The following PIEZO2 variants were observed in gnomAD, a reference collection of about 807,000 sequenced individuals.
PIEZO2 encodes piezo-type mechanosensitive ion channel component 2.
PIEZO2 carries 172 observed loss-of-function variants against 337.3 expected under a neutral mutation model. That is an observed-to-expected ratio of 0.51 (90% CI 0.45 to 0.58). The LOEUF is 0.58. Ranked by LOEUF, PIEZO2 falls within the 20% of genes least tolerant of loss-of-function variation. The pLI is 0.00. For missense variants in PIEZO2, 3,028 were observed against 3,391.3 expected (o/e 0.89, Z 2.66); for synonymous variants, 1,251 against 1,228.5 (o/e 1.02, Z -0.38).
At chr18:10,805,395 A>T (rs553237810) in intron 8 of PIEZO2, among the ~76,000 whole-genome samples, 17 of 152,262 alleles carry the variant, frequency 1.1e-4, no homozygotes, top group Non-Finnish European at 2.1e-4. Flanking sequence ...GGGCACCTGT[A>T]ATCCCAGCTA....
Position 10,871,396 on chromosome 18 carries a change from C to G in PIEZO2, c.349G>C (p.Gly117Arg). The part of the protein sequence containing the change: ...GFESLKGADA[G>R]NGIRVFVPDI... ...GGTACAAACACTCTGATCCCATTGC[C>G]AGCATCAGCTCCCTTTAAGCTATAA... is the stretch of plus-strand genomic sequence containing the variant. Residue 117 changes from glycine to arginine, a missense_variant, in exon 5 of 56, where the codon GGC becomes CGC. Gly to Arg is a moderately radical substitution (Grantham distance 125, BLOSUM62 -2). This residue lies in a region of PIEZO2 where 542 missense variants were observed against 605.6 expected (regional missense o/e 0.89). Transcript: ENST00000674853. 1 of 1,537,018 alleles carries G rather than the reference C, an allele frequency of 6.5e-7. No individual in the cohort carries two copies. The highest frequency in any genetic ancestry group is 8.7e-7 in the Non-Finnish European group (1 of 1,146,756).
intron 28 of PIEZO2, among the ~76,000 whole-genome samples, chr18:10,751,670 G>A (rs2037650914): frequency 6.6e-6 from 1 of 152,198 alleles, no homozygotes; most frequent in Non-Finnish European, 1.5e-5. Context: ...TAAGTAGCTA[G>A]GAAGGAAGAA....
chr18:10,680,999 G>T (rs1171597593), intron 51 of PIEZO2, among the ~76,000 whole-genome samples: 3 of 152,080 alleles, frequency 2.0e-5, no homozygotes, highest in Non-Finnish European at 4.4e-5. Flanking sequence ...TTTAGGGGAT[G>T]TATTTCTTAT....
intron 3 of PIEZO2, among the ~76,000 whole-genome samples, chr18:10,935,586 A>G (rs2032348235): frequency 6.6e-6 from 1 of 152,172 alleles, no homozygotes; most frequent in Non-Finnish European, 1.5e-5. Context: ...AGAACCTAAG[A>G]TTTTATGAAA....
intron 1 of PIEZO2, among the ~76,000 whole-genome samples, chr18:11,068,945 T>A (rs1047734581): frequency 1.3e-5 from 2 of 152,028 alleles, no homozygotes; most frequent in Non-Finnish European, 2.9e-5. Flanking sequence ...TTCCTAGCAA[T>A]ATACAACCTA....
At chr18:10,696,350 C>T in intron 46 of PIEZO2, 42 bp downstream of exon 46, 2 of 1,613,884 alleles carry the variant, frequency 1.2e-6, no homozygotes, top group South Asian at 1.1e-5. Flanking sequence ...AGCGCCATCG[C>T]CATGGGTCAG....
intron 50 of PIEZO2, 72 bp from the exon 51 acceptor site, chr18:10,681,825 A>C: frequency 7.7e-7 from 1 of 1,292,324 alleles, no homozygotes; most frequent in African/African-American, 1.5e-5. Flanking sequence ...AAAGAAAAAC[A>C]TTTATGTAGG....
At chr18:11,086,082 T>G (rs2038900109) in intron 1 of PIEZO2, among the ~76,000 whole-genome samples, 1 of 152,180 alleles carries the variant, frequency 6.6e-6, no homozygotes, top group African/African-American at 2.4e-5. Flanking sequence ...AAAATTATAT[T>G]TATAATGGCA....
chr18:10,731,215 A>ATGTATATATATCTATC (rs1567995816), intron 36 of PIEZO2, among the ~76,000 whole-genome samples, 192 bp downstream of exon 36: 12 of 128,742 alleles, frequency 9.3e-5, no homozygotes, highest in African/African-American at 3.5e-4. Flanking sequence ...ATATATATAT[A>ATGTATATATATCTATC]TATCTCCTAA....
intron 1 of PIEZO2, among the ~76,000 whole-genome samples, chr18:11,089,981 G>T (rs28554048): frequency 0.57 from 86,545 of 151,976 alleles, 26,048 homozygotes; most frequent in African/African-American, 0.77. Flanking sequence ...GCATAAGAGT[G>T]TAATCAGAGA....
rs926635230 is a variant in PIEZO2 at position 10,888,090 on chromosome 18, T to C, written c.330-16675A>G. 5.3e-5 allele frequency among the ~76,000 whole-genome samples: 8 copies of C among 152,232 alleles called. No homozygotes were observed. Among genetic ancestry groups the C allele is most frequent in the Admixed American group, 3.9e-4 (6 of 15,290 alleles). The stretch of plus-strand genomic sequence containing the variant: ...TGACTCCTGCCTGTATTAACTGTCA[T>C]GATGGCTGCCTAATGGTGGTCATTG... On this transcript the variant is annotated intron_variant, in intron 4 of 55. Coordinates refer to ENST00000674853, the MANE Select transcript of PIEZO2 (RefSeq NM_001378183.1). This position sits in a 1 kb window ranked among gnomAD's most constrained non-coding sequence, Gnocchi z 4.1.
At chr18:10,687,550 A>T (rs1050928190) in intron 49 of PIEZO2, among the ~76,000 whole-genome samples, 14 of 152,120 alleles carry the variant, frequency 9.2e-5, no homozygotes, top group East Asian at 1.9e-4. Flanking sequence ...ATTCATCTCA[A>T]TCCTGTAGGC....
intron 3 of PIEZO2, among the ~76,000 whole-genome samples, chr18:10,933,596 C>G (rs565282079): frequency 6.6e-6 from 1 of 152,296 alleles, no homozygotes; most frequent in East Asian, 1.9e-4. Flanking sequence ...CTATATCCAT[C>G]CAGACACTTG....
intron 18 of PIEZO2, among the ~76,000 whole-genome samples, chr18:10,778,458 G>A (rs950221059): frequency 1.2e-4 from 18 of 151,392 alleles, no homozygotes; most frequent in Admixed American, 7.9e-4. Context: ...TTAGCCTCCC[G>A]AGTAGCTGGG....
At chr18:10,718,296 A>G (rs1354976594) in intron 36 of PIEZO2, 37 bp from the exon 37 acceptor site, 2 of 1,483,080 alleles carry the variant, frequency 1.3e-6, no homozygotes, top group Non-Finnish European at 1.8e-6. Context: ...GTTAAATTCC[A>G]TCTAGGGTAA....
At chr18:10,963,362 T>A (rs541665310) in intron 3 of PIEZO2, among the ~76,000 whole-genome samples, 7 of 152,228 alleles carry the variant, frequency 4.6e-5, no homozygotes, top group African/African-American at 1.7e-4. Context: ...GACAGTGGCA[T>A]TTACTCTCTG....
At chr18:11,037,802 C>T (rs2036975343) in intron 2 of PIEZO2, among the ~76,000 whole-genome samples, 1 of 152,182 alleles carries the variant, frequency 6.6e-6, no homozygotes. Flanking sequence ...TGGATTTCTT[C>T]CAGAATTATG....
rs772963927 is a variant in PIEZO2, at chr18:10,982,044, T to C, written c.161-2384A>G. Among the ~76,000 whole-genome samples, 19 of 152,136 alleles carry C rather than the reference T, an allele frequency of 1.2e-4. No homozygotes were observed. The highest frequency in any genetic ancestry group is 3.6e-4 in the African/African-American group (15 of 41,442). On this transcript the variant is annotated intron_variant, in intron 2 of 55. Transcript: ENST00000674853. This position sits in a 1 kb window ranked among gnomAD's most constrained non-coding sequence, Gnocchi z 4.1. Reference sequence around the variant, plus strand: ...CTCCCATCAGGCCCCACCTTTAGCATTGGGGGTCAAATTTCAACATGAGAC... The same window carrying C: ...CTCCCATCAGGCCCCACCTTTAGCACTGGGGGTCAAATTTCAACATGAGAC...
At chr18:11,074,154 C>T (rs1003376050) in intron 1 of PIEZO2, among the ~76,000 whole-genome samples, 2 of 152,144 alleles carry the variant, frequency 1.3e-5, no homozygotes, top group African/African-American at 4.8e-5. Context: ...CCAATAACTG[C>T]TTCTTTATCA....
Sources: gnomAD v4.1 joint callset for allele counts (sites outside exome capture counted in the v4.1 genomes callset) on GRCh38, gnomAD v4.1.1 for gene constraint, gnomAD v4.1.1 regional missense constraint, Gnocchi (gnomAD v3.1) non-coding constraint, MANE v1.5 for transcripts, NCBI Gene and HGNC (gene_info 2026-07-23, HGNC 2026-07-21) for gene names.